Variants in MYO7A observed in about 807,000 individuals in gnomAD.
MYO7A encodes unconventional myosin-VIIa.
MYO7A carries 210 observed loss-of-function variants against 263.8 expected under a neutral mutation model. The observed-to-expected ratio is 0.80, with a 90% confidence interval of 0.71 to 0.89. The LOEUF is 0.89. Ranked by LOEUF, MYO7A falls within the 40% of genes least tolerant of loss-of-function variation. MYO7A has a pLI of 0.00. For missense variants in MYO7A, 2,820 were observed against 2,968.3 expected (o/e 0.95, Z 1.16); for synonymous variants, 1,239 against 1,197.3 (o/e 1.03, Z -0.72).
Position 77,166,080 on chromosome 11 carries a change from C to T in MYO7A, c.1715C>T (p.Thr572Ile), listed in dbSNP as rs1555072329. Residue 572 changes from threonine to isoleucine, a missense_variant, in exon 15 of 49, where the codon ACC becomes ATC. Transcript: ENST00000409709. ...GGCTTCCTGGAGAAGAACCGAGACA[C>T]CCTGCATGGGGACATTATCCAGCTG... ...TQGFLEKNRDTLHGDIIQLVH... is the reference protein window; with the variant it reads ...TQGFLEKNRDILHGDIIQLVH... 2 of 1,613,860 alleles carry T rather than the reference C, an allele frequency of 1.2e-6. No individual in the cohort carries two copies. Among genetic ancestry groups the T allele is most frequent in the Non-Finnish European group, 8.5e-7 (1 of 1,179,834 alleles).
intron 15 of MYO7A, among the ~76,000 whole-genome samples, chr11:77,167,398 G>A (rs1591316182): frequency 6.6e-6 from 1 of 152,284 alleles, no homozygotes; most frequent in East Asian, 1.9e-4. Flanking sequence ...CAAGGCAGGA[G>A]GGACAGGTAG....
In MYO7A at chr11:77,194,513, G is replaced by T. The variant is rs575760892; in HGVS notation, c.4312G>T (p.Ala1438Ser). 6.3e-7 allele frequency: 1 copy of T among 1,599,454 alleles called. No individual in the cohort carries two copies. The change falls in exon 32 of 49, where the codon GCC (alanine) becomes TCC (serine). Residue 1438 changes from alanine to serine, a missense_variant. Transcript: ENST00000409709. ...GAAGTGGGCCCAGCTGGCCATCGCCGCCCACAAGAAGGTAGAAGGGCTGAG... is the reference window on the plus strand; with the variant it reads ...GAAGTGGGCCCAGCTGGCCATCGCCTCCCACAAGAAGGTAGAAGGGCTGAG... The part of the protein sequence containing the change: ...LEKWAQLAIA[A>S]HKKGIYAQRR...
At chr11:77,129,384 G>A (rs1555045413) in intron 1 of MYO7A, among the ~76,000 whole-genome samples, 1 of 152,250 alleles carries the variant, frequency 6.6e-6, no homozygotes. Flanking sequence ...GTCATGGGCA[G>A]AGGATCGAAT....
intron 15 of MYO7A, among the ~76,000 whole-genome samples, chr11:77,167,288 G>A (rs1240593226): frequency 5.3e-5 from 8 of 152,142 alleles, no homozygotes; most frequent in African/African-American, 1.9e-4. Flanking sequence ...CTCGAACGCA[G>A]GTCTCCTAAG....
intron 30 of MYO7A, 45 bp downstream of exon 30, chr11:77,190,915 G>C (rs775075255): frequency 6.6e-7 from 1 of 1,506,340 alleles, no homozygotes; most frequent in African/African-American, 1.4e-5. Context: ...ACCTCCTCCC[G>C]GCCCCACTCC....
intron 16 of MYO7A, 56 bp downstream of exon 16, chr11:77,172,941 T>G (rs1313429005): frequency 6.6e-7 from 1 of 1,513,202 alleles, no homozygotes. Context: ...GTGGAGGAGC[T>G]AGGTCAAGAA....
intron 30 of MYO7A, among the ~76,000 whole-genome samples, chr11:77,191,387 T>G (rs533377422): frequency 2.2e-4 from 34 of 152,268 alleles, no homozygotes; most frequent in African/African-American, 7.9e-4. Context: ...AGCAGTAGGA[T>G]GTCCTCAGTC....
chr11:77,207,424 C>A, intron 42 of MYO7A, 22 bp downstream of exon 42: 1 of 1,522,814 alleles, frequency 6.6e-7, no homozygotes, highest in Admixed American at 1.8e-5. Flanking sequence ...GCCACCTTCG[C>A]CAAGGTGGGA....
chr11:77,192,080 C>T lies in MYO7A; in HGVS notation c.3954C>T (p.His1318=), dbSNP rs749218462. Residue 1318 remains histidine, a synonymous_variant, in exon 31 of 49, where the codon CAC becomes CAT. Transcript: ENST00000409709. ...CCTCCCTGGGCAGCGGCAGTGACCA[C>T]GTCATGGACGCCATCTCCCAGTGCG... ...KVSSLGSGSD[H]VMDAISQCEQ... The T allele has an allele frequency of 3.8e-5, 61 of 1,613,632 alleles. No individual in the cohort carries two copies. The highest frequency in any genetic ancestry group is 1.9e-4 in the African/African-American group (14 of 74,958).
At chr11:77,155,490 C>T (rs1368992164) in intron 4 of MYO7A, among the ~76,000 whole-genome samples, 2 of 152,200 alleles carry the variant, frequency 1.3e-5, no homozygotes, top group African/African-American at 4.8e-5. Context: ...GACATGGTCC[C>T]GTTGATTAAT....
intron 16 of MYO7A, 34 bp from the exon 17 acceptor site, chr11:77,174,722 T>C: frequency 6.5e-7 from 1 of 1,550,254 alleles, no homozygotes; most frequent in South Asian, 1.2e-5. Context: ...AGCAGGAGCC[T>C]TGGCCCTGAT....
intron 45 of MYO7A, among the ~76,000 whole-genome samples, chr11:77,211,571 C>A (rs1209979923): frequency 7.0e-6 from 1 of 143,038 alleles, no homozygotes; most frequent in Non-Finnish European, 1.5e-5. Flanking sequence ...CCATGGTGAC[C>A]TGTTTGTCCT....
chr11:77,213,064 G>T (rs757069126), intron 47 of MYO7A, 29 bp downstream of exon 47: 155 of 1,539,826 alleles, frequency 1.0e-4, no homozygotes, highest in Non-Finnish European at 1.3e-4. Flanking sequence ...GCAAGTGGGG[G>T]CGGGCTTCTC....
At position 77,152,101 on chromosome 11, in the gene MYO7A, C is replaced by G. The variant is rs148499576; in HGVS notation, c.286-3806C>G. Among the ~76,000 whole-genome samples, 430 of 152,376 alleles carry G rather than the reference C, an allele frequency of 2.8e-3. 3 individuals are homozygous for G. Among genetic ancestry groups the G allele is most frequent in the Non-Finnish European group, 4.1e-3 (278 of 68,036 alleles). ...GGGAGCTGCAAAGTCCTGAGCCCAA[C>G]AGGGCTTGCTCTTGCCCTCTTACTG... On this transcript the variant is annotated intron_variant, in intron 4 of 48. Transcript: ENST00000409709.
intron 18 of MYO7A, among the ~76,000 whole-genome samples, chr11:77,176,330 T>C (rs1247443515): frequency 1.3e-5 from 2 of 152,240 alleles, no homozygotes; most frequent in African/African-American, 4.8e-5. Context: ...TGCCTGTGCC[T>C]CCCACAGCTG....
rs1954750552 is a variant in MYO7A, at chr11:77,177,565, T to C, written c.2204T>C (p.Leu735Pro). 6.2e-7 allele frequency: 1 copy of C among 1,611,418 alleles called. No individual in the cohort carries two copies. The change falls in exon 19 of 49, where the codon CTG becomes CCG. Residue 735 changes from leucine to proline, a missense_variant. Coordinates refer to ENST00000409709, the MANE Select transcript of MYO7A (RefSeq NM_000260.4). The part of the protein sequence containing the change: ...KIFLKDHHDM[L>P]LEVERDKAIT... ...GCCTCCTAGGACCACCATGACATGC[T>C]GCTGGAAGTGGAGCGGGACAAAGCC...
intron 35 of MYO7A, among the ~76,000 whole-genome samples, chr11:77,201,133 C>A (rs559163443): frequency 5.3e-5 from 8 of 152,190 alleles, no homozygotes; most frequent in Non-Finnish European, 1.2e-4. Context: ...GTCCAGGGAA[C>A]TGCGAACAGC....
At chr11:77,153,926 T>C (rs1555059216) in intron 4 of MYO7A, among the ~76,000 whole-genome samples, 1 of 152,202 alleles carries the variant, frequency 6.6e-6, no homozygotes. Context: ...GTGGGGATCA[T>C]GGGCCAGACG....
intron 38 of MYO7A, 108 bp downstream of exon 38, chr11:77,203,325 G>A: frequency 7.8e-7 from 1 of 1,288,452 alleles, no homozygotes; most frequent in Non-Finnish European, 1.1e-6. Context: ...CACACATGGG[G>A]AGGGTTGATG....
Sources: gnomAD v4.1 joint callset for allele counts (sites outside exome capture counted in the v4.1 genomes callset) on GRCh38, gnomAD v4.1.1 for gene constraint, MANE v1.5 for transcripts, NCBI Gene and HGNC (gene_info 2026-07-23, HGNC 2026-07-21) for gene names.